Variants in RBMS1 observed in about 807,000 individuals in gnomAD.
The protein encoded by RBMS1 is RNA-binding motif, single-stranded-interacting protein 1.
RBMS1 carries 17 observed loss-of-function variants against 62.3 expected under a neutral mutation model. The observed-to-expected ratio is 0.27, with a 90% CI of 0.19 to 0.41. The LOEUF (loss-of-function observed/expected upper bound fraction) is 0.41. Among genes scored for constraint, RBMS1 ranks in the 10% least tolerant of loss-of-function variants. The pLI is 1.00. For synonymous variants in RBMS1, 172 were observed against 170.0 expected (o/e 1.01, Z -0.09); for missense variants, 334 against 504.5 (o/e 0.66, Z 3.24).
At chr2:160,290,200 T>A (rs1364125482) in intron 6 of RBMS1, among the ~76,000 whole-genome samples, 1 of 149,906 alleles carries the variant, frequency 6.7e-6, no homozygotes, top group African/African-American at 2.5e-5. Context: ...CAGGAGATCC[T>A]ATGTGACAGT....
At chr2:160,407,930 G>A in intron 1 of RBMS1, 1 of 980,044 alleles carries the variant, frequency 1.0e-6, no homozygotes, top group Non-Finnish European at 1.2e-6. Context: ...GGGGCGGGGA[G>A]GCGGCAGCGC....
At chr2:160,454,668 A>C (rs1033089747) in intron 1 of RBMS1, among the ~76,000 whole-genome samples, 2 of 152,198 alleles carry the variant, frequency 1.3e-5, no homozygotes, top group Non-Finnish European at 2.9e-5. Context: ...GAAGAAGAGG[A>C]GTGGCGAGCC....
chr2:160,493,044 TCTTTCCTGTCTAGTCTCTCCCCCCGCGG>T lies in RBMS1; in HGVS notation c.75+217_75+244del. 8 of 447,990 alleles carry T rather than the reference TCTTTCCTGTCTAGTCTCTCCCCCCGCGG, an allele frequency of 1.8e-5. No individual in the cohort carries two copies. The South Asian group carries it at 3.0e-4, about 17-fold the overall frequency. 27.8% of individuals were successfully genotyped at this position (447,990 alleles called of 1,614,324 possible). A position where few individuals can be genotyped will look rare whatever the true frequency, so the allele number is the denominator to read the frequency against. ...GCCGGGCCAGGAAGGGGCTGGTGGC[TCTTTCCTGTCTAGTCTCTCCCCCCGCGG>T]CTTTCTGTAACCCGATCCCCGCACT... is the stretch of plus-strand genomic sequence containing the variant. On this transcript the variant is annotated intron_variant, in intron 1 of 13. Transcript: ENST00000348849.
chr2:160,460,601 T>A (rs1190074698), intron 1 of RBMS1, among the ~76,000 whole-genome samples: 2 of 152,216 alleles, frequency 1.3e-5, no homozygotes, highest in East Asian at 3.8e-4. Context: ...GCCTGCTTCC[T>A]TTTCTAACAC....
intron 4 of RBMS1, among the ~76,000 whole-genome samples, chr2:160,304,915 C>A (rs1405686956): frequency 6.6e-6 from 1 of 151,998 alleles, no homozygotes; most frequent in Non-Finnish European, 1.5e-5. Context: ...AGTGCAGTGG[C>A]GCGATCTCAG....
chr2:160,363,103 T>A (rs1021289905), intron 2 of RBMS1, among the ~76,000 whole-genome samples: 1 of 152,226 alleles, frequency 6.6e-6, no homozygotes, highest in Admixed American at 6.5e-5. Flanking sequence ...TTAATGCTTA[T>A]CACAATTTTT....
intron 5 of RBMS1, chr2:160,302,671 G>A (rs1689273483): frequency 6.6e-6 from 1 of 151,982 alleles, no homozygotes; most frequent in Non-Finnish European, 1.5e-5. Context: ...ACCAGGCCCA[G>A]TTAATTTTTG....
chr2:160,294,023 G>A (rs1044730596), intron 6 of RBMS1, among the ~76,000 whole-genome samples: 5 of 152,160 alleles, frequency 3.3e-5, no homozygotes, highest in East Asian at 1.9e-4. Flanking sequence ...GGAAAAACTC[G>A]ATGGAATTCA....
rs368459645 is a variant in RBMS1, at chr2:160,303,105, T to C, written c.560+225A>G. 3.2e-3 allele frequency among the ~76,000 whole-genome samples: 483 copies of C among 152,326 alleles called. 1 individual carries two copies. Among genetic ancestry groups the C allele is most frequent in the Non-Finnish European group, 4.3e-3 (292 of 68,014 alleles). ...ACTTTTGCTCATGTGATAGTTCCTT[T>C]CCATAAGGACCCAAATATTTAGTGT... is the stretch of plus-strand genomic sequence containing the variant. On this transcript the variant is annotated intron_variant, in intron 5 of 13. Transcript: ENST00000348849.
At chr2:160,283,298 T>C (rs1688195679) in intron 9 of RBMS1, 2 of 152,224 alleles carry the variant, frequency 1.3e-5, no homozygotes, top group Admixed American at 6.5e-5. Context: ...TACCTTTTCA[T>C]AGCAGACACA....
chr2:160,348,087 G>A (rs756787430), intron 2 of RBMS1, among the ~76,000 whole-genome samples: 3 of 152,000 alleles, frequency 2.0e-5, no homozygotes, highest in Non-Finnish European at 4.4e-5. Flanking sequence ...TTTCCTAATT[G>A]TGATCCAATT....
At position 160,337,972 on chromosome 2, in the gene RBMS1, A is replaced by G. The variant is rs1691668807; in HGVS notation, c.252-19745T>C. On this transcript the variant is annotated intron_variant, in intron 2 of 13. Coordinates refer to ENST00000348849, the MANE Select transcript of RBMS1 (RefSeq NM_016836.4). Reference sequence around the variant, plus strand: ...TGTGCTTGTGCAGGTGACAATGCCCACAATCGTACATGGAATCCTGGGAAC... The same window carrying G: ...TGTGCTTGTGCAGGTGACAATGCCCGCAATCGTACATGGAATCCTGGGAAC... 3.3e-5 allele frequency among the ~76,000 whole-genome samples: 5 copies of G among 152,306 alleles called. No individual in the cohort carries two copies. In the South Asian group the frequency reaches 1.0e-3, roughly 32 times the overall value.
intron 2 of RBMS1, among the ~76,000 whole-genome samples, chr2:160,332,586 T>A (rs1691341549): frequency 6.6e-6 from 1 of 152,194 alleles, no homozygotes; most frequent in South Asian, 2.1e-4. Flanking sequence ...ACCCCTCCAC[T>A]GCCCTGACTT....
rs576957275 is a variant in RBMS1, at chr2:160,352,323, C to T, written c.251+14893G>A. On this transcript the variant is annotated intron_variant, in intron 2 of 13. Coordinates refer to ENST00000348849, the MANE Select transcript of RBMS1 (RefSeq NM_016836.4). Reference sequence around the variant, plus strand: ...GGCAAATAGCTATGTGGTTAATGCACAAGGCTTTCTGATAATATTGCTGCA... The same window carrying T: ...GGCAAATAGCTATGTGGTTAATGCATAAGGCTTTCTGATAATATTGCTGCA... 7.2e-5 allele frequency among the ~76,000 whole-genome samples: 11 copies of T among 152,200 alleles called. No individual in the cohort carries two copies. In the South Asian group the frequency reaches 2.3e-3, roughly 32 times the overall value.
intron 1 of RBMS1, among the ~76,000 whole-genome samples, chr2:160,481,925 C>A (rs1685389174): frequency 6.6e-6 from 1 of 152,124 alleles, no homozygotes; most frequent in Non-Finnish European, 1.5e-5. Context: ...AGTGTCTACC[C>A]AAGCTGAACA....
At chr2:160,321,600 G>A (rs1690564213) in intron 2 of RBMS1, among the ~76,000 whole-genome samples, 1 of 152,050 alleles carries the variant, frequency 6.6e-6, no homozygotes, top group South Asian at 2.1e-4. Flanking sequence ...TTTAAGTAGT[G>A]AAATATCAAG....
chr2:160,388,600 C>G (rs908835827), intron 1 of RBMS1, among the ~76,000 whole-genome samples: 6 of 152,156 alleles, frequency 3.9e-5, no homozygotes, highest in Non-Finnish European at 8.8e-5. Flanking sequence ...ACACAGAGTC[C>G]ACCTTTCAAC....
chr2:160,287,910 T>C (rs1688486901), intron 6 of RBMS1, among the ~76,000 whole-genome samples: 1 of 150,598 alleles, frequency 6.6e-6, no homozygotes, highest in South Asian at 2.1e-4. Flanking sequence ...CTGTATATTA[T>C]TACTATATTA....
At chr2:160,407,797 T>G (rs1446095029) in intron 1 of RBMS1, 1 of 980,974 alleles carries the variant, frequency 1.0e-6, no homozygotes, top group Admixed American at 6.3e-5. Context: ...CTGCGTGCCA[T>G]GGACGGGAGT....
Sources: allele counts gnomAD v4.1 joint callset (sites outside exome capture counted in the v4.1 genomes callset), GRCh38; gene constraint gnomAD v4.1.1; transcripts MANE v1.5; gene names NCBI Gene and HGNC (gene_info 2026-07-23, HGNC 2026-07-21).